The following ASAP1 variants were observed in gnomAD, a reference collection of about 807,000 sequenced individuals.
ASAP1 encodes the protein arf-GAP with SH3 domain, ANK repeat and PH domain-containing protein 1.
A neutral mutation model predicts 145.2 loss-of-function variants in ASAP1; 43 were observed. That is an observed-to-expected ratio of 0.30 (90% confidence interval 0.23 to 0.38). The LOEUF (loss-of-function observed/expected upper bound fraction) is 0.38, where lower values mean the gene tolerates loss of function less well. Ranked by LOEUF, ASAP1 falls within the 10% of genes least tolerant of loss-of-function variation. The pLI is 1.00. For synonymous variants in ASAP1, 546 were observed against 515.5 expected (o/e 1.06, Z -0.80); for missense variants, 1,018 against 1,355.3 (o/e 0.75, Z 3.91).
intron 3 of ASAP1, among the ~76,000 whole-genome samples, chr8:130,240,975 C>A (rs1341965598): frequency 6.6e-6 from 1 of 152,046 alleles, no homozygotes; most frequent in African/African-American, 2.4e-5. Context: ...ATTATACAAA[C>A]CAGACCATAA....
At chr8:130,114,679 T>C (rs1184152146) in intron 23 of ASAP1, among the ~76,000 whole-genome samples, 1 of 152,156 alleles carries the variant, frequency 6.6e-6, no homozygotes, top group African/African-American at 2.4e-5. Flanking sequence ...ATGCAGTGTG[T>C]TGTGGACTGA....
intron 3 of ASAP1, among the ~76,000 whole-genome samples, chr8:130,286,817 G>A (rs928099467): frequency 1.3e-5 from 2 of 152,172 alleles, no homozygotes; most frequent in East Asian, 3.8e-4. Context: ...TAACACCTTT[G>A]TGCTTATCAT....
At chr8:130,235,158 C>T (rs1818140494) in intron 4 of ASAP1, among the ~76,000 whole-genome samples, 1 of 152,126 alleles carries the variant, frequency 6.6e-6, no homozygotes, top group South Asian at 2.1e-4. Context: ...ACCTAGACTA[C>T]TTGAGTTTCT....
At chr8:130,115,793 T>C in intron 22 of ASAP1, 58 bp from the exon 23 acceptor site, 1 of 1,259,794 alleles carries the variant, frequency 7.9e-7, no homozygotes, top group Non-Finnish European at 1.2e-6. Context: ...ATCCCAATAT[T>C]ATACAAACAC....
chr8:130,096,231 C>T (rs540442320), intron 24 of ASAP1, among the ~76,000 whole-genome samples: 1 of 152,098 alleles, frequency 6.6e-6, no homozygotes. Flanking sequence ...CAGAAGACTT[C>T]CAAAATTAGT....
intron 3 of ASAP1, among the ~76,000 whole-genome samples, chr8:130,342,918 G>C (rs549877993): frequency 2.0e-5 from 3 of 152,238 alleles, no homozygotes; most frequent in South Asian, 4.1e-4. Flanking sequence ...CAAGTGTTAA[G>C]TGGGAAGCAA....
intron 1 of ASAP1, among the ~76,000 whole-genome samples, chr8:130,402,779 T>C (rs1828855424): frequency 6.6e-6 from 1 of 152,072 alleles, no homozygotes; most frequent in Non-Finnish European, 1.5e-5. Flanking sequence ...TCTCCCCACC[T>C]CCACTGGTCC....
intron 1 of ASAP1, among the ~76,000 whole-genome samples, chr8:130,435,307 G>A (rs949917721): frequency 5.3e-5 from 8 of 152,130 alleles, no homozygotes; most frequent in African/African-American, 1.2e-4. Context: ...AGTCTTTTGC[G>A]TCAGCATGCG....
intron 29 of ASAP1, among the ~76,000 whole-genome samples, chr8:130,057,572 C>G (rs1169506129): frequency 1.3e-5 from 2 of 152,116 alleles, no homozygotes; most frequent in African/African-American, 4.8e-5. Flanking sequence ...CCTTGGCCTC[C>G]CGAGTAGCTG....
At chr8:130,173,494 C>G (rs902178419) in intron 9 of ASAP1, among the ~76,000 whole-genome samples, 1 of 152,120 alleles carries the variant, frequency 6.6e-6, no homozygotes, top group South Asian at 2.1e-4. Flanking sequence ...CTACTGCACA[C>G]ATGGCTCATG....
intron 24 of ASAP1, among the ~76,000 whole-genome samples, chr8:130,107,611 C>T (rs1429522986): frequency 6.6e-6 from 1 of 150,862 alleles, no homozygotes; most frequent in African/African-American, 2.4e-5. Flanking sequence ...GCAGTGGTGC[C>T]ATCTTGGCTC....
intron 20 of ASAP1, among the ~76,000 whole-genome samples, chr8:130,117,835 TTA>T (rs2097558874): frequency 6.6e-6 from 1 of 152,210 alleles, no homozygotes; most frequent in African/African-American, 2.4e-5. Flanking sequence ...AATTTTACAT[TTA>T]TAAAGGCCAA....
At chr8:130,383,498 C>T (rs1827875343) in intron 2 of ASAP1, among the ~76,000 whole-genome samples, 1 of 152,174 alleles carries the variant, frequency 6.6e-6, no homozygotes, top group South Asian at 2.1e-4. Flanking sequence ...AGAGGACCTA[C>T]TATATACCAT....
chr8:130,084,843 C>CA (rs1306121696), intron 25 of ASAP1: 1 of 152,170 alleles, frequency 6.6e-6, no homozygotes, highest in African/African-American at 2.4e-5. Flanking sequence ...ATGCATGTCT[C>CA]AGACATTTCA....
intron 3 of ASAP1, among the ~76,000 whole-genome samples, chr8:130,320,403 A>G (rs1307218483): frequency 6.6e-6 from 1 of 152,112 alleles, no homozygotes; most frequent in Non-Finnish European, 1.5e-5. Flanking sequence ...AAAAAATACA[A>G]AAATTAGCTG....
At chr8:130,132,066 A>G (rs1291167332) in intron 15 of ASAP1, among the ~76,000 whole-genome samples, 1 of 152,220 alleles carries the variant, frequency 6.6e-6, no homozygotes, top group Non-Finnish European at 1.5e-5. Context: ...GGAAATGAGG[A>G]AGAGAGAATG....
chr8:130,061,131 C>A (rs1311588811), intron 27 of ASAP1, 62 bp from the exon 28 acceptor site: 2 of 1,511,742 alleles, frequency 1.3e-6, no homozygotes, highest in Non-Finnish European at 8.8e-7. Context: ...CTGTCAGTCA[C>A]CTAAAAGAGG....
chr8:130,344,820 T>C (rs1482169783), intron 3 of ASAP1, among the ~76,000 whole-genome samples: 1 of 152,102 alleles, frequency 6.6e-6, no homozygotes, highest in Non-Finnish European at 1.5e-5. Flanking sequence ...ACTGAGCTAC[T>C]AGCGCAAAAC....
Position 130,313,383 on chromosome 8 carries a change from T to C in ASAP1, c.186+44634A>G, listed in dbSNP as rs1586811475. Among the ~76,000 whole-genome samples, 3 of 152,250 alleles carry C rather than the reference T, an allele frequency of 2.0e-5. No individual in the cohort carries two copies. In the East Asian group the frequency reaches 5.8e-4, roughly 29 times the overall value. On this transcript the variant is annotated intron_variant, in intron 3 of 29. Transcript: ENST00000518721. Reference sequence around the variant, plus strand: ...CTCTCACTCTCAATGAGATCACGTATAAATTGAGTCCTCCTTCCAAATCTC... The same window carrying C: ...CTCTCACTCTCAATGAGATCACGTACAAATTGAGTCCTCCTTCCAAATCTC...
Sources: allele counts gnomAD v4.1 joint callset (sites outside exome capture counted in the v4.1 genomes callset), GRCh38; gene constraint gnomAD v4.1.1; transcripts MANE v1.5; gene names NCBI Gene and HGNC (gene_info 2026-07-23, HGNC 2026-07-21).